The following AFF1 variants were observed in gnomAD, a reference collection of about 807,000 sequenced individuals.
AFF1 encodes AF4/FMR2 family member 1.
In AFF1, 48 loss-of-function variants were observed where a neutral mutation model predicts 121.7. That is an observed-to-expected ratio of 0.39 (90% CI 0.31 to 0.50). AFF1 has a LOEUF of 0.50. AFF1 is among the 20% of genes least tolerant of loss of function. The probability of loss-of-function intolerance (pLI) is 0.76; values close to 1 mark genes in which losing one functional copy is unlikely to be tolerated. For missense variants in AFF1, 1,523 were observed against 1,511.7 expected (o/e 1.01, Z -0.12); for synonymous variants, 613 against 563.0 (o/e 1.09, Z -1.26).
intron 2 of AFF1, among the ~76,000 whole-genome samples, chr4:86,983,550 AAT>A (rs1224989516): frequency 5.9e-5 from 9 of 151,994 alleles, no homozygotes; most frequent in Non-Finnish European, 1.2e-4. Flanking sequence ...AAAATTAAAA[AAT>A]AAAAATACTA....
At chr4:87,089,891 T>G in intron 5 of AFF1, 93 bp from the exon 6 acceptor site, 1 of 910,114 alleles carries the variant, frequency 1.1e-6, no homozygotes, top group Non-Finnish European at 1.7e-6. Context: ...CCATTTATGA[T>G]CAATCCATTC....
At chr4:86,999,075 T>A (rs752336418) in intron 2 of AFF1, among the ~76,000 whole-genome samples, 1 of 152,186 alleles carries the variant, frequency 6.6e-6, no homozygotes, top group Admixed American at 6.5e-5. Flanking sequence ...CTTCCCTGTT[T>A]CCCTTTCCTT....
intron 4 of AFF1, among the ~76,000 whole-genome samples, chr4:87,058,223 T>C (rs1720353266): frequency 6.6e-6 from 1 of 152,206 alleles, no homozygotes. Flanking sequence ...CCCTGGCTCC[T>C]AGTTCCAGCG....
intron 2 of AFF1, among the ~76,000 whole-genome samples, chr4:87,014,213 A>C (rs1727084671): frequency 6.6e-6 from 1 of 152,174 alleles, no homozygotes; most frequent in South Asian, 2.1e-4. Flanking sequence ...CTCAAGGAGC[A>C]GGGTATTTAA....
intron 2 of AFF1, chr4:87,007,380 G>C (rs773436361): frequency 2.5e-6 from 4 of 1,613,786 alleles, no homozygotes; most frequent in Non-Finnish European, 3.4e-6. Context: ...CTCATGGACG[G>C]AAGACCCCTG....
chr4:87,038,760 A>C lies in AFF1; in HGVS notation c.39-7406A>C, dbSNP rs1290961234. On this transcript the variant is annotated intron_variant, in intron 2 of 20. Transcript: ENST00000395146. Reference sequence around the variant, plus strand: ...TAAGACTTAATCCTTTCCAGAGTTAATGTACACTGTTGATTTTAGGATTTT... The same window carrying C: ...TAAGACTTAATCCTTTCCAGAGTTACTGTACACTGTTGATTTTAGGATTTT... Among the ~76,000 whole-genome samples the C allele has an allele frequency of 4.6e-5, 7 of 152,252 alleles. No individual in the cohort carries two copies. In the East Asian group the frequency reaches 1.3e-3, roughly 29 times the overall value.
At chr4:87,056,560 GA>G (rs1299534452) in intron 4 of AFF1, among the ~76,000 whole-genome samples, 6 of 152,110 alleles carry the variant, frequency 3.9e-5, no homozygotes, top group Non-Finnish European at 5.9e-5. Context: ...GGGAACTTGT[GA>G]AAAAATTTTT....
intron 1 of AFF1, among the ~76,000 whole-genome samples, chr4:86,940,373 C>T (rs1046705334): frequency 6.6e-6 from 1 of 152,156 alleles, no homozygotes; most frequent in Non-Finnish European, 1.5e-5. Context: ...GTGACACATG[C>T]AAAAACAGTG....
intron 2 of AFF1, among the ~76,000 whole-genome samples, chr4:87,018,317 A>G (rs1473421575): frequency 6.6e-6 from 1 of 152,214 alleles, no homozygotes; most frequent in Non-Finnish European, 1.5e-5. Flanking sequence ...GACAAATAAA[A>G]CAAGTGCAAA....
chr4:86,965,107 C>T (rs1722443482), intron 2 of AFF1, among the ~76,000 whole-genome samples: 1 of 152,202 alleles, frequency 6.6e-6, no homozygotes, highest in Non-Finnish European at 1.5e-5. Flanking sequence ...TACTCTGTTA[C>T]TAATGGGTTA....
rs1260956041 is a variant in AFF1, at chr4:87,111,143, G to T, written c.1533+2828G>T. Among the ~76,000 whole-genome samples, 3 of 84,808 alleles carry T rather than the reference G, an allele frequency of 3.5e-5. 1 individual carries two copies. The highest frequency in any genetic ancestry group is 7.7e-5 in the Non-Finnish European group (3 of 39,138). 55.6% of individuals were successfully genotyped at this position (84,808 alleles called of 152,430 possible). A position where few individuals can be genotyped will look rare whatever the true frequency, so the allele number is the denominator to read the frequency against. On this transcript the variant is annotated intron_variant, in intron 11 of 20. Coordinates refer to ENST00000395146, the MANE Select transcript of AFF1 (RefSeq NM_001166693.3). The stretch of plus-strand genomic sequence containing the variant: ...CTGCCTCAGCCTCCCGAGTAGCTGG[G>T]ACTACAGGCGCCCGCTACCACGCCC...
intron 2 of AFF1, among the ~76,000 whole-genome samples, chr4:87,019,731 G>A (rs1305233376): frequency 6.6e-6 from 1 of 152,170 alleles, no homozygotes; most frequent in Non-Finnish European, 1.5e-5. Flanking sequence ...GCTTTGTAAT[G>A]TCCTTTACAA....
intron 13 of AFF1, 64 bp from the exon 14 acceptor site, chr4:87,126,035 A>C: frequency 1.3e-6 from 2 of 1,515,424 alleles, no homozygotes; most frequent in South Asian, 1.1e-5. Flanking sequence ...GTTTGTAACT[A>C]AACAACGAAG....
rs1371456266 is a variant in AFF1, at chr4:87,026,606, G to C, written c.39-19560G>C. Among the ~76,000 whole-genome samples, 6 of 152,236 alleles carry C rather than the reference G, an allele frequency of 3.9e-5. No individual in the cohort carries two copies. The South Asian group carries it at 1.0e-3, about 26-fold the overall frequency. On this transcript the variant is annotated intron_variant, in intron 2 of 20. Transcript: ENST00000395146. The stretch of plus-strand genomic sequence containing the variant: ...GGGAAGTTGGAGGTGAGGAGGGCCC[G>C]TTAGTAGGGAACTGAGGCCAGACTT...
intron 10 of AFF1, among the ~76,000 whole-genome samples, chr4:87,106,132 C>T (rs1329661167): frequency 1.3e-5 from 2 of 152,158 alleles, no homozygotes; most frequent in East Asian, 1.9e-4. Flanking sequence ...CCTGTAATCC[C>T]AGCACTTTGG....
Position 87,075,404 on chromosome 4 carries a change from A to C in AFF1, c.1060-8716A>C, listed in dbSNP as rs942700298. 3.7e-4 allele frequency among the ~76,000 whole-genome samples: 56 copies of C among 152,072 alleles called. 1 individual carries two copies. The highest frequency in any genetic ancestry group is 9.7e-5 in the African/African-American group (4 of 41,404). On this transcript the variant is annotated intron_variant, in intron 4 of 20. Coordinates refer to ENST00000395146, the MANE Select transcript of AFF1 (RefSeq NM_001166693.3). ...CACGTATTCAATATGTTATATATAT[A>C]TCTCCTATCTACACGATATATTAGG...
intron 4 of AFF1, among the ~76,000 whole-genome samples, chr4:87,068,257 G>GACCCC (rs1721585457): frequency 8.3e-6 from 1 of 120,132 alleles, no homozygotes; most frequent in Non-Finnish European, 1.7e-5. Context: ...CATGAAAATT[G>GACCCC]CCCCCCCCCC....
At chr4:87,132,443 T>C (rs778936653) in intron 19 of AFF1, 35 bp downstream of exon 19, 3 of 1,560,922 alleles carry the variant, frequency 1.9e-6, no homozygotes, top group Non-Finnish European at 2.6e-6. Flanking sequence ...ATTTCCAGAA[T>C]TGAGTCATTT....
intron 8 of AFF1, among the ~76,000 whole-genome samples, chr4:87,100,535 C>T (rs1381058092): frequency 6.6e-6 from 1 of 152,080 alleles, no homozygotes; most frequent in Non-Finnish European, 1.5e-5. Flanking sequence ...TCTAGCCATC[C>T]TTTCTCTTTT....
Sources: allele counts gnomAD v4.1 joint callset (sites outside exome capture counted in the v4.1 genomes callset), GRCh38; gene constraint gnomAD v4.1.1; transcripts MANE v1.5; gene names NCBI Gene and HGNC (gene_info 2026-07-23, HGNC 2026-07-21).